Variants in FANCA observed in about 807,000 individuals in gnomAD.
The protein encoded by FANCA is Fanconi anemia group A protein.
A neutral mutation model predicts 194.3 loss-of-function variants in FANCA; 236 were observed. That is an observed-to-expected ratio of 1.21 (90% CI 1.09 to 1.35). FANCA has a LOEUF of 1.35. Among genes scored for constraint, FANCA ranks in the 40% most tolerant of loss-of-function variants. FANCA has a pLI of 0.00. For synonymous variants in FANCA, 1,014 were observed against 715.8 expected (o/e 1.42, Z -6.65); for missense variants, 2,628 against 1,813.9 (o/e 1.45, Z -8.15).
In FANCA at chr16:89,810,736, A is replaced by C. The variant is rs113468465; in HGVS notation, c.493T>G (p.Ser165Ala). Reference protein sequence around the residue: ...LLAHSMFSRLSFCQELWKIQS... With the variant: ...LLAHSMFSRLAFCQELWKIQS... ...ATTTTCCATAATTCTTGACAGAAGGAAAGACGGGAGAACATACTGTGTGCC... is the reference window on the plus strand; with the variant it reads ...ATTTTCCATAATTCTTGACAGAAGGCAAGACGGGAGAACATACTGTGTGCC... Residue 165 changes from serine to alanine, a missense_variant, in exon 5 of 43, where the codon TCC becomes GCC. Coordinates refer to ENST00000389301, the MANE Select transcript of FANCA (RefSeq NM_000135.4). 3 of 1,612,458 alleles carry C rather than the reference A, an allele frequency of 1.9e-6. No individual in the cohort carries two copies. The highest frequency in any genetic ancestry group is 2.5e-6 in the Non-Finnish European group (3 of 1,178,424).
intron 37 of FANCA, among the ~76,000 whole-genome samples, 198 bp downstream of exon 37, chr16:89,742,602 G>T (rs1468111846): frequency 1.5e-5 from 2 of 137,574 alleles, no homozygotes; most frequent in Non-Finnish European, 3.0e-5. Flanking sequence ...GGGGTCAGGA[G>T]ATCGAGACCA....
intron 14 of FANCA, among the ~76,000 whole-genome samples, 177 bp from the exon 15 acceptor site, chr16:89,785,141 G>A (rs551868792): frequency 1.3e-5 from 2 of 152,280 alleles, no homozygotes. Context: ...GTGTCCGGGC[G>A]GCTGCTGTAG....
intron 3 of FANCA, among the ~76,000 whole-genome samples, chr16:89,811,638 T>C (rs561022991): frequency 3.3e-4 from 51 of 152,334 alleles, no homozygotes; most frequent in African/African-American, 1.2e-3. Context: ...GCCACTGGTC[T>C]GCATTCAATA....
intron 28 of FANCA, among the ~76,000 whole-genome samples, chr16:89,763,604 C>T (rs1435599316): frequency 6.6e-6 from 1 of 152,146 alleles, no homozygotes; most frequent in Non-Finnish European, 1.5e-5. Context: ...AGCCCAGAGA[C>T]CCTGAGTGAC....
chr16:89,746,558 A>T (rs1567601166), intron 35 of FANCA, 26 bp downstream of exon 35: 1 of 1,600,756 alleles, frequency 6.2e-7, no homozygotes, highest in Non-Finnish European at 8.6e-7. Flanking sequence ...CCCAAAACAA[A>T]ACACCAAACA....
rs151241802 is a variant in FANCA at position 89,740,031 on chromosome 16, C to T, written c.3897G>A (p.Lys1299=). The T allele has an allele frequency of 6.2e-7, 1 of 1,614,182 alleles. No individual in the cohort carries two copies. Among genetic ancestry groups the T allele is most frequent in the Non-Finnish European group, 8.5e-7 (1 of 1,180,036 alleles). The part of the protein sequence containing the change: ...AAILECLEKR[K]ISWLALFQLT... ...ACTGAAAGAGTGCCAGCCAGGATAT[C>T]TTCCTCTTCTCTAAACACTCGAGGA... Residue 1299 remains lysine, a synonymous_variant, in exon 39 of 43, where the codon AAG becomes AAA. Transcript: ENST00000389301.
intron 37 of FANCA, 147 bp from the exon 38 acceptor site, chr16:89,741,013 T>TTCTCTC: frequency 1.4e-6 from 1 of 724,162 alleles, no homozygotes; most frequent in South Asian, 1.6e-5. Context: ...TTCCAATCAC[T>TTCTCTC]TCTAGAGAGA....
Position 89,767,058 on chromosome 16 carries a change from G to C in FANCA, c.2601+83C>G, listed in dbSNP as rs17226729. ...CCCCTGAGATGGGCACAAAGCGGCA[G>C]CAGACCTCGGCCTTCCGGTCCGAAA... On this transcript the variant is annotated intron_variant, in intron 27 of 42. Coordinates refer to ENST00000389301, the MANE Select transcript of FANCA (RefSeq NM_000135.4). 8.6e-4 allele frequency: 959 copies of C among 1,110,950 alleles called. 7 individuals are homozygous for C. The African/African-American group carries it at 0.013, about 15-fold the overall frequency. 68.8% of individuals were successfully genotyped at this position (1,110,950 alleles called of 1,614,324 possible). A position where few individuals can be genotyped will look rare whatever the true frequency, so the allele number is the denominator to read the frequency against.
At position 89,766,804 on chromosome 16, in the gene FANCA, C is replaced by G. The variant is rs145519652; in HGVS notation, c.2601+337G>C. 2.0e-4 allele frequency among the ~76,000 whole-genome samples: 30 copies of G among 152,286 alleles called. No individual in the cohort carries two copies. In the East Asian group the frequency reaches 5.6e-3, roughly 28 times the overall value. On this transcript the variant is annotated intron_variant, in intron 27 of 42. Coordinates refer to ENST00000389301, the MANE Select transcript of FANCA (RefSeq NM_000135.4). ...GAATTCTTCTTTCCAGGGAAAGATACTTATTATGAATACTGATCTTTTAAT... is the reference window on the plus strand; with the variant it reads ...GAATTCTTCTTTCCAGGGAAAGATAGTTATTATGAATACTGATCTTTTAAT...
chr16:89,752,215 T>G lies in FANCA; in HGVS notation c.2989A>C (p.Ser997Arg). 2 of 1,613,350 alleles carry G rather than the reference T, an allele frequency of 1.2e-6. No individual in the cohort carries two copies. Among genetic ancestry groups the G allele is most frequent in the African/African-American group, 1.3e-5 (1 of 74,998 alleles). Residue 997 changes from serine (S) to arginine (R), a missense_variant, in exon 31 of 43, where the codon AGT becomes CGT. Ser to Arg is a moderately radical substitution (Grantham distance 110). Transcript: ENST00000389301. The part of the protein sequence containing the change: ...ALMDFHQSSR[S>R]YDHSENSDLV... Reference sequence around the variant, plus strand: ...TCAGAATTTTCTGAGTGGTCATAACTCCTTGAGCTGAAATGAAAATACAAT... The same window carrying G: ...TCAGAATTTTCTGAGTGGTCATAACGCCTTGAGCTGAAATGAAAATACAAT...
In FANCA at chr16:89,778,815, T is replaced by C; in HGVS notation, c.1812A>G (p.Ile604Met). 1 of 1,614,018 alleles carries C rather than the reference T, an allele frequency of 6.2e-7. No individual in the cohort carries two copies. The highest frequency in any genetic ancestry group is 8.5e-7 in the Non-Finnish European group (1 of 1,179,986). Residue 604 changes from isoleucine (I) to methionine (M), a missense_variant, in exon 20 of 43, where the codon ATA (isoleucine) becomes ATG (methionine). Coordinates refer to ENST00000389301, the MANE Select transcript of FANCA (RefSeq NM_000135.4). ...TTGCTGCATACCTCTTCAGAGACTC[T>C]ATAAACGCCACACGGGAGTCAGGGA... ...PKVPDSRVAF[I>M]ESLKRADKIP...
intron 21 of FANCA, among the ~76,000 whole-genome samples, chr16:89,775,513 A>G (rs567401171): frequency 3.9e-5 from 6 of 152,248 alleles, no homozygotes; most frequent in African/African-American, 1.4e-4. Flanking sequence ...CACTGCACAC[A>G]CTCCTTTCCG....
At chr16:89,773,588 C>A (rs1446383702) in intron 21 of FANCA, among the ~76,000 whole-genome samples, 1 of 151,918 alleles carries the variant, frequency 6.6e-6, no homozygotes, top group Admixed American at 6.6e-5. Context: ...CAATTATAAA[C>A]GAGTTTCATA....
chr16:89,761,914 C>G (rs527259958), intron 29 of FANCA, 35 bp downstream of exon 29: 3 of 1,563,752 alleles, frequency 1.9e-6, no homozygotes, highest in Non-Finnish European at 2.6e-6. Context: ...TGTGAGCCAT[C>G]ATGCCTGGCC....
chr16:89,792,663 A>T, intron 11 of FANCA, 116 bp from the exon 12 acceptor site: 3 of 797,890 alleles, frequency 3.8e-6, no homozygotes, highest in Non-Finnish European at 2.1e-6. Flanking sequence ...GCGACGAGAG[A>T]GTGTAGAAAG....
chr16:89,771,809 A>T lies in FANCA; in HGVS notation c.2020T>A (p.Ser674Thr). ...TCAGAAATCACTGCCACCTGTGCCG[A>T]TATAACTGCGAAGGAAGAAACTAGT... ...MTDPSQRDVI[S>T]AQVAVISERL... The change falls in exon 23 of 43, where the codon TCG becomes ACG. Residue 674 changes from serine (S) to threonine (T), a missense_variant. Physicochemically the swap from Ser to Thr is moderately conservative, Grantham distance 58 (BLOSUM62 1). Coordinates refer to ENST00000389301, the MANE Select transcript of FANCA (RefSeq NM_000135.4). 1 of 1,613,858 alleles carries T rather than the reference A, an allele frequency of 6.2e-7. No homozygotes were observed. Among genetic ancestry groups the T allele is most frequent in the Non-Finnish European group, 8.5e-7 (1 of 1,180,032 alleles).
At chr16:89,746,928 G>C in intron 33 of FANCA, 38 bp from the exon 34 acceptor site, 3 of 1,536,504 alleles carry the variant, frequency 2.0e-6, no homozygotes, top group East Asian at 2.4e-5. Flanking sequence ...AAAGCCCACA[G>C]GAAGAGAGGC....
At chr16:89,804,398 T>C (rs1449726022) in intron 7 of FANCA, among the ~76,000 whole-genome samples, 1 of 152,116 alleles carries the variant, frequency 6.6e-6, no homozygotes, top group Non-Finnish European at 1.5e-5. Flanking sequence ...CGAGCTTCAA[T>C]GCACCTTAGA....
chr16:89,781,464 G>C (rs530441006), intron 17 of FANCA, among the ~76,000 whole-genome samples: 1 of 150,626 alleles, frequency 6.6e-6, no homozygotes, highest in Non-Finnish European at 1.5e-5. Flanking sequence ...ACGAGGTCAG[G>C]AGATTGAGAC....
Sources: gnomAD v4.1 joint callset for allele counts (sites outside exome capture counted in the v4.1 genomes callset) on GRCh38, gnomAD v4.1.1 for gene constraint, MANE v1.5 for transcripts, NCBI Gene and HGNC (gene_info 2026-07-23, HGNC 2026-07-21) for gene names.